The following AIMP2 variants were observed in gnomAD, a reference collection of about 807,000 sequenced individuals.
AIMP2 encodes aminoacyl tRNA synthase complex-interacting multifunctional protein 2.
A neutral mutation model predicts 23.4 loss-of-function variants in AIMP2; 20 were observed. The ratio of observed to expected loss-of-function variants is 0.85; its 90% CI spans 0.60 to 1.24. The LOEUF is 1.24. AIMP2 is among the 50% of genes most tolerant of loss of function. The pLI is 0.00. For synonymous variants in AIMP2, 210 were observed against 170.4 expected, an observed-to-expected ratio of 1.23 and a Z score of -1.81; for missense variants, 515 against 414.5, an observed-to-expected ratio of 1.24 and a Z score of -2.10.
intron 3 of AIMP2, among the ~76,000 whole-genome samples, chr7:6,020,568 A>AT (rs1183805631): frequency 3.9e-5 from 6 of 152,244 alleles, no homozygotes; most frequent in Non-Finnish European, 8.8e-5. Flanking sequence ...AAAGCTGGAG[A>AT]GTTTAATGCC....
At chr7:6,015,463 G>C in intron 2 of AIMP2, 111 bp downstream of exon 2, 1 of 1,182,038 alleles carries the variant, frequency 8.5e-7, no homozygotes. Flanking sequence ...GGTGGCTCAC[G>C]CCTGTAATTC....
rs933485276 is a variant in AIMP2 at position 6,023,777 on chromosome 7, T to G, written c.*86T>G. The G allele has an allele frequency of 1.4e-5, 22 of 1,603,138 alleles. No homozygotes were observed. Among genetic ancestry groups the G allele is most frequent in the Non-Finnish European group, 1.8e-5 (21 of 1,173,882 alleles). On this transcript the variant is annotated 3_prime_UTR_variant, in exon 4 of 4. Coordinates refer to ENST00000223029, the MANE Select transcript of AIMP2 (RefSeq NM_006303.4). ...ATCAGTAAGGGGACTTGTATTAGAG[T>G]CAGAGTCTTTTTATTTAGGCCAGTT...
intron 2 of AIMP2, among the ~76,000 whole-genome samples, chr7:6,017,464 C>T (rs1241245963): frequency 6.7e-6 from 1 of 149,482 alleles, no homozygotes; most frequent in Non-Finnish European, 1.5e-5. Flanking sequence ...GCAGAGGTTG[C>T]AGTGAGCAGA....
chr7:6,009,761 G>T (rs1786425170), intron 1 of AIMP2, among the ~76,000 whole-genome samples: 2 of 150,644 alleles, frequency 1.3e-5, no homozygotes, highest in Non-Finnish European at 3.0e-5. Context: ...GACTAGCCTG[G>T]CCAACATGGT....
rs1554310935 is a variant in AIMP2 at position 6,009,974 on chromosome 7, A to ATATACATATATAT, written c.135+476_135+477insTATACATATATAT. On this transcript the variant is annotated intron_variant, in intron 1 of 3. Transcript: ENST00000223029. ...CAAAAAAAAAAAAAAAAAAAAAAAA[A>ATATACATATATAT]ATATATATATATATATATGTATGTA... Among the ~76,000 whole-genome samples the ATATACATATATAT allele has an allele frequency of 2.6e-4, 7 of 26,662 alleles. 1 individual carries two copies. Among genetic ancestry groups the ATATACATATATAT allele is most frequent in the Non-Finnish European group, 4.1e-4 (6 of 14,644 alleles). The allele number at this position is 26,662 out of a possible 152,430, so 17.5% of individuals were successfully genotyped here. A position where few individuals can be genotyped will look rare whatever the true frequency, so the allele number is the denominator to read the frequency against.
chr7:6,023,520 G>C lies in AIMP2; in HGVS notation c.792G>C (p.Gly264=). ...AVFRSMNSAL[G]KSPWLAGNEL... ...TCCGCTCCATGAACTCTGCTCTTGG[G>C]AAGAGCCCTTGGCTCGCTGGGAATG... Residue 264 remains glycine (G), a synonymous_variant, in exon 4 of 4, where the codon GGG becomes GGC. Transcript: ENST00000223029. The C allele has an allele frequency of 6.2e-7, 1 of 1,614,232 alleles. No individual in the cohort carries two copies. Among genetic ancestry groups the C allele is most frequent in the South Asian group, 1.1e-5 (1 of 91,086 alleles).
intron 2 of AIMP2, 53 bp downstream of exon 2, chr7:6,015,405 G>A (rs1040948360): frequency 3.2e-6 from 5 of 1,577,256 alleles, no homozygotes; most frequent in African/African-American, 2.7e-5. Context: ...GGTTAGTGCA[G>A]GGAAATTGTG....
chr7:6,019,084 AGACT>A (rs1350203587), intron 3 of AIMP2, among the ~76,000 whole-genome samples: 3 of 152,010 alleles, frequency 2.0e-5, no homozygotes, highest in African/African-American at 7.3e-5. Context: ...TGGAACAAAC[AGACT>A]GTACTGCTGG....
rs1459148213 is a variant in AIMP2 at position 6,023,711 on chromosome 7, A to C, written c.*20A>C. ...AAGTGAATTGCCGTAACTGATTTTA[A>C]AGGGTTTAGATTTTAAGAATGGTGC... On this transcript the variant is annotated 3_prime_UTR_variant, in exon 4 of 4. Coordinates refer to ENST00000223029, the MANE Select transcript of AIMP2 (RefSeq NM_006303.4). The C allele has an allele frequency of 4.3e-6, 7 of 1,614,168 alleles. No homozygotes were observed. The highest frequency in any genetic ancestry group is 5.9e-6 in the Non-Finnish European group (7 of 1,180,036).
intron 3 of AIMP2, among the ~76,000 whole-genome samples, chr7:6,019,295 C>A (rs958077247): frequency 1.1e-4 from 16 of 150,494 alleles, no homozygotes; most frequent in African/African-American, 3.7e-4. Context: ...CTGGCTAACA[C>A]GGTGAAACCC....
intron 1 of AIMP2, among the ~76,000 whole-genome samples, chr7:6,009,974 A>AAAAAAAATATATATATAT: frequency 6.8e-4 from 18 of 26,636 alleles, no homozygotes; most frequent in Admixed American, 1.2e-3. Context: ...AAAAAAAAAA[A>AAAAAAAATATATATATAT]ATATATATAT....
rs763030358 is a variant in AIMP2, at chr7:6,017,835, A to G, written c.364A>G (p.Ile122Val). 1.4e-5 allele frequency: 22 copies of G among 1,613,872 alleles called. No homozygotes were observed. The highest frequency in any genetic ancestry group is 1.9e-5 in the Non-Finnish European group (22 of 1,179,968). Residue 122 changes from isoleucine (I) to valine (V), a missense_variant, in exon 3 of 4, where the codon ATC becomes GTC. By Grantham distance (29) the Ile-to-Val change is conservative. Transcript: ENST00000223029. The stretch of plus-strand genomic sequence containing the variant: ...CCAGGATTACGGGGCGCTGAAAGAC[A>G]TCGTGATCAACGCAAACCCGGCCTC... ...LGKDYGALKD[I>V]VINANPASPP... is the part of the protein sequence containing the mutation.
intron 3 of AIMP2, among the ~76,000 whole-genome samples, chr7:6,019,310 T>C (rs1321150407): frequency 2.0e-5 from 3 of 149,226 alleles, no homozygotes; most frequent in African/African-American, 5.0e-5. Flanking sequence ...AAACCCCATC[T>C]CTACTAAAAA....
chr7:6,018,444 G>A (rs536125056), intron 3 of AIMP2, among the ~76,000 whole-genome samples: 51 of 150,890 alleles, frequency 3.4e-4, no homozygotes, highest in Non-Finnish European at 7.1e-4. Context: ...CACCAGGCCC[G>A]GGCCTCATGT....
chr7:6,023,037 T>A, intron 3 of AIMP2: 1 of 381,172 alleles, frequency 2.6e-6, no homozygotes, highest in Non-Finnish European at 4.7e-6. Flanking sequence ...TTGGAGCAGG[T>A]GGTCTGAGGT....
intron 2 of AIMP2, among the ~76,000 whole-genome samples, chr7:6,016,207 C>G (rs1203063698): frequency 6.6e-6 from 1 of 152,146 alleles, no homozygotes; most frequent in East Asian, 1.9e-4. Context: ...TCAGCCAGCT[C>G]TCATGATTGA....
chr7:6,017,780 C>G (rs1433757510), intron 2 of AIMP2, 34 bp from the exon 3 acceptor site: 2 of 1,584,360 alleles, frequency 1.3e-6, no homozygotes, highest in Non-Finnish European at 8.6e-7. Context: ...TCTCCGATGA[C>G]TGTTATTCGT....
chr7:6,017,233 A>C (rs571902012), intron 2 of AIMP2, among the ~76,000 whole-genome samples: 4 of 152,160 alleles, frequency 2.6e-5, no homozygotes, highest in East Asian at 1.9e-4. Flanking sequence ...TGTCATTCCT[A>C]GGCCAGGCAC....
intron 2 of AIMP2, among the ~76,000 whole-genome samples, 195 bp from the exon 3 acceptor site, chr7:6,017,619 T>C (rs1583456804): frequency 1.3e-5 from 2 of 152,208 alleles, no homozygotes; most frequent in Middle Eastern, 3.4e-3. Flanking sequence ...AGTCCGCTCA[T>C]ATCCCAGCTC....
Sources: allele counts gnomAD v4.1 joint callset (sites outside exome capture counted in the v4.1 genomes callset), GRCh38; gene constraint gnomAD v4.1.1; transcripts MANE v1.5; gene names NCBI Gene and HGNC (gene_info 2026-07-23, HGNC 2026-07-21).